The following SH3GL2 variants were observed in gnomAD, a reference collection of about 807,000 sequenced individuals.
SH3GL2 encodes the protein endophilin-A1.
In SH3GL2, 24 loss-of-function variants were observed where a neutral mutation model predicts 46.0. That is an observed-to-expected ratio of 0.52 (90% CI 0.38 to 0.73). The LOEUF is 0.73. SH3GL2 is among the 30% of genes least tolerant of loss of function. SH3GL2 has a pLI of 0.00. For synonymous variants in SH3GL2, 196 were observed against 147.1 expected, an observed-to-expected ratio of 1.33 and a Z score of -2.40; for missense variants, 413 against 424.2, an observed-to-expected ratio of 0.97 and a Z score of 0.23.
chr9:17,600,454 G>A (rs745758636), intron 1 of SH3GL2, among the ~76,000 whole-genome samples: 4 of 152,206 alleles, frequency 2.6e-5, no homozygotes, highest in Non-Finnish European at 5.9e-5. Context: ...AGCTGGCTCC[G>A]ATTCTGATGT....
chr9:17,652,674 G>GC (rs1819984118), intron 1 of SH3GL2, among the ~76,000 whole-genome samples: 1 of 152,086 alleles, frequency 6.6e-6, no homozygotes, highest in Non-Finnish European at 1.5e-5. Flanking sequence ...ACCTTTTTGA[G>GC]CACCAACATG....
At chr9:17,587,654 G>A (rs1818405158) in intron 1 of SH3GL2, among the ~76,000 whole-genome samples, 1 of 152,142 alleles carries the variant, frequency 6.6e-6, no homozygotes, top group South Asian at 2.1e-4. Flanking sequence ...GAGGTGGGCG[G>A]GTCACCTGAG....
chr9:17,733,547 T>C (rs1307183450), intron 1 of SH3GL2, among the ~76,000 whole-genome samples: 1 of 150,568 alleles, frequency 6.6e-6, no homozygotes, highest in African/African-American at 2.4e-5. Flanking sequence ...TCAACCATTG[T>C]GGAAGTCAGT....
chr9:17,753,459 G>A (rs536444734), intron 2 of SH3GL2, among the ~76,000 whole-genome samples: 17 of 152,180 alleles, frequency 1.1e-4, no homozygotes, highest in South Asian at 1.0e-3. Context: ...ATGTTTCTTG[G>A]CCACATAAAT....
At chr9:17,702,243 A>G (rs1178689954) in intron 1 of SH3GL2, among the ~76,000 whole-genome samples, 1 of 152,156 alleles carries the variant, frequency 6.6e-6, no homozygotes, top group Non-Finnish European at 1.5e-5. Context: ...TGGCAGGACC[A>G]GGAAAATTTT....
chr9:17,775,465 G>C (rs893324051), intron 3 of SH3GL2, among the ~76,000 whole-genome samples: 2 of 152,130 alleles, frequency 1.3e-5, no homozygotes, highest in African/African-American at 2.4e-5. Context: ...TGGATGATGT[G>C]TACGCATTAT....
chr9:17,773,693 G>A (rs2131168588), intron 3 of SH3GL2, among the ~76,000 whole-genome samples: 1 of 152,160 alleles, frequency 6.6e-6, no homozygotes, highest in South Asian at 2.1e-4. Context: ...GTACCACACT[G>A]TATTACCATA....
intron 1 of SH3GL2, among the ~76,000 whole-genome samples, chr9:17,720,752 T>C (rs1288580415): frequency 6.6e-6 from 1 of 152,162 alleles, no homozygotes; most frequent in African/African-American, 2.4e-5. Flanking sequence ...CTCAGTTTTC[T>C]AAATTTAACT....
intron 2 of SH3GL2, among the ~76,000 whole-genome samples, chr9:17,750,045 G>A (rs1822801101): frequency 6.6e-6 from 1 of 152,006 alleles, no homozygotes; most frequent in African/African-American, 2.4e-5. Context: ...TTTTGATTCT[G>A]TATATCTTTT....
intron 1 of SH3GL2, among the ~76,000 whole-genome samples, chr9:17,604,741 G>T (rs1347444959): frequency 6.6e-6 from 1 of 152,156 alleles, no homozygotes; most frequent in Non-Finnish European, 1.5e-5. Flanking sequence ...AGCCTGGAGG[G>T]CTGGCATCTA....
chr9:17,703,436 T>G (rs1378504274), intron 1 of SH3GL2, among the ~76,000 whole-genome samples: 1 of 151,908 alleles, frequency 6.6e-6, no homozygotes, highest in African/African-American at 2.4e-5. Flanking sequence ...GGACTCCTCC[T>G]TAACTCATTC....
At chr9:17,607,688 A>G (rs1234594784) in intron 1 of SH3GL2, among the ~76,000 whole-genome samples, 2 of 152,158 alleles carry the variant, frequency 1.3e-5, no homozygotes. Context: ...TTTACATCAT[A>G]CTGTATGGTC....
At position 17,795,701 on chromosome 9, in the gene SH3GL2, C is replaced by T. The variant is rs1824256188; in HGVS notation, c.1017C>T (p.Phe339=). The T allele has an allele frequency of 6.2e-7, 1 of 1,614,004 alleles. No individual in the cohort carries two copies. The highest frequency in any genetic ancestry group is 2.2e-5 in the East Asian group (1 of 44,830). ...TGCTGCATGGCCATTCAGGCTTCTT[C>T]CCCATCAATTATGTGGAAATTCTGG... ...EGMLHGHSGF[F]PINYVEILVA... Residue 339 remains phenylalanine, a synonymous_variant, in exon 9 of 9, where the codon TTC becomes TTT. Coordinates refer to ENST00000380607, the MANE Select transcript of SH3GL2 (RefSeq NM_003026.5).
chr9:17,757,460 C>G (rs1174261049), intron 2 of SH3GL2, among the ~76,000 whole-genome samples: 1 of 146,792 alleles, frequency 6.8e-6, no homozygotes, highest in Non-Finnish European at 1.5e-5. Context: ...AACAAATTTA[C>G]AAGAAAAAAA....
chr9:17,794,957 A>C (rs1824236444), intron 8 of SH3GL2, among the ~76,000 whole-genome samples: 1 of 152,250 alleles, frequency 6.6e-6, no homozygotes, highest in African/African-American at 2.4e-5. Context: ...ACCATGTGCA[A>C]GGTCACAGAA....
intron 1 of SH3GL2, among the ~76,000 whole-genome samples, chr9:17,636,628 G>A (rs917071105): frequency 6.6e-6 from 1 of 152,126 alleles, no homozygotes; most frequent in Admixed American, 6.5e-5. Context: ...TTTTCCCATT[G>A]TGCAAGTTTA....
intron 1 of SH3GL2, among the ~76,000 whole-genome samples, chr9:17,654,465 G>T (rs118157774): frequency 0.017 from 2,537 of 152,258 alleles, 24 homozygotes; most frequent in Middle Eastern, 0.024. Flanking sequence ...CTGCCTGTTG[G>T]CTAGACCATT....
In SH3GL2 at chr9:17,786,161, G is replaced by A. The variant is rs547862298; in HGVS notation, c.188-220G>A. Among the ~76,000 whole-genome samples, 3 of 152,262 alleles carry A rather than the reference G, an allele frequency of 2.0e-5. No homozygotes were observed. In the South Asian group the frequency reaches 6.2e-4, roughly 32 times the overall value. On this transcript the variant is annotated intron_variant, in intron 3 of 8. Coordinates refer to ENST00000380607, the MANE Select transcript of SH3GL2 (RefSeq NM_003026.5). ...CTGCTTCATCCAGAACAGAATTGCT[G>A]TAATTCATTTTAAGATCTTAAGGGA...
chr9:17,735,187 A>G, intron 1 of SH3GL2, among the ~76,000 whole-genome samples: 1 of 152,092 alleles, frequency 6.6e-6, no homozygotes, highest in South Asian at 2.1e-4. Flanking sequence ...GCAGCCTCCT[A>G]GAATCCTGGT....
Sources: gnomAD v4.1 joint callset for allele counts (sites outside exome capture counted in the v4.1 genomes callset) on GRCh38, gnomAD v4.1.1 for gene constraint, MANE v1.5 for transcripts, NCBI Gene and HGNC (gene_info 2026-07-23, HGNC 2026-07-21) for gene names.